SH3GL2: variants seen among roughly 807,000 people sequenced by gnomAD.
SH3GL2 encodes the protein endophilin-A1.
A neutral mutation model predicts 46.0 loss-of-function variants in SH3GL2; 24 were observed. The observed-to-expected ratio is 0.52, with a 90% CI of 0.38 to 0.73. The LOEUF (loss-of-function observed/expected upper bound fraction) is 0.73. Among genes scored for constraint, SH3GL2 ranks in the 30% least tolerant of loss-of-function variants. The pLI is 0.00. For missense variants in SH3GL2, 413 were observed against 424.2 expected (o/e 0.97, Z 0.23); for synonymous variants, 196 against 147.1 (o/e 1.33, Z -2.40).
chr9:17,744,633 G>A (rs1822628351), intron 1 of SH3GL2, among the ~76,000 whole-genome samples: 1 of 152,148 alleles, frequency 6.6e-6, no homozygotes, highest in East Asian at 1.9e-4. Context: ...CTCCCAAAAT[G>A]CTAGGATTAC....
At chr9:17,794,568 A>G (rs895246378) in intron 8 of SH3GL2, among the ~76,000 whole-genome samples, 42 of 152,192 alleles carry the variant, frequency 2.8e-4, no homozygotes, top group Admixed American at 2.6e-3. Context: ...CTGGAGACTC[A>G]GTAATTTGCT....
At chr9:17,625,397 T>A (rs1819259005) in intron 1 of SH3GL2, among the ~76,000 whole-genome samples, 1 of 152,230 alleles carries the variant, frequency 6.6e-6, no homozygotes, top group African/African-American at 2.4e-5. Context: ...GTCCACCTCC[T>A]TTCATTGCCT....
At chr9:17,665,769 T>G (rs1486378125) in intron 1 of SH3GL2, among the ~76,000 whole-genome samples, 1 of 151,570 alleles carries the variant, frequency 6.6e-6, no homozygotes, top group East Asian at 1.9e-4. Context: ...GTCTTGGTGC[T>G]AGATGTGCTT....
Position 17,789,515 on chromosome 9 carries a change from G to T in SH3GL2, c.589G>T (p.Ala197Ser). Residue 197 changes from alanine (A) to serine (S), a missense_variant, in exon 6 of 9, where the codon GCT (alanine) becomes TCT (serine). Around this residue, in one of 3 missense-constraint regions of SH3GL2, gnomAD observed 248 missense variants for 215.0 expected, o/e 1.15. Transcript: ENST00000380607. ...GAAATTTGATGAGTCTAAGGAAATTGCTGAGTCAAGCATGTTCAATCTCTT... is the reference window on the plus strand; with the variant it reads ...GAAATTTGATGAGTCTAAGGAAATTTCTGAGTCAAGCATGTTCAATCTCTT... ...LEKFDESKEI[A>S]ESSMFNLLEM... The T allele has an allele frequency of 6.2e-7, 1 of 1,613,364 alleles. No individual in the cohort carries two copies. Among genetic ancestry groups the T allele is most frequent in the Non-Finnish European group, 8.5e-7 (1 of 1,179,514 alleles).
At position 17,795,774 on chromosome 9, in the gene SH3GL2, G is replaced by C. The variant is rs775417655; in HGVS notation, c.*31G>C. 2 of 1,562,350 alleles carry C rather than the reference G, an allele frequency of 1.3e-6. No homozygotes were observed. Among genetic ancestry groups the C allele is most frequent in the Middle Eastern group, 1.7e-4 (1 of 5,718 alleles). ...TATGCTGGCTGGCTCGCCTCCTCTT[G>C]ACCCAGATAGTTACGGTTAACCACT... On this transcript the variant is annotated 3_prime_UTR_variant, in exon 9 of 9. Transcript: ENST00000380607.
intron 1 of SH3GL2, among the ~76,000 whole-genome samples, chr9:17,694,942 C>G (rs77364854): frequency 0.028 from 4,307 of 152,074 alleles, 187 homozygotes; most frequent in African/African-American, 0.099. Flanking sequence ...CCTTGCACAG[C>G]AGTCACAATG....
At chr9:17,735,115 T>G (rs1312516744) in intron 1 of SH3GL2, among the ~76,000 whole-genome samples, 4 of 152,078 alleles carry the variant, frequency 2.6e-5, no homozygotes, top group African/African-American at 9.7e-5. Context: ...GTCTCTTAAG[T>G]CTTTTCTTTC....
intron 1 of SH3GL2, among the ~76,000 whole-genome samples, chr9:17,725,340 A>G (rs1294576478): frequency 6.6e-6 from 1 of 152,090 alleles, no homozygotes; most frequent in Non-Finnish European, 1.5e-5. Context: ...TGTGATTCCA[A>G]GAGCACTCTT....
chr9:17,717,944 A>G (rs563328490), intron 1 of SH3GL2, among the ~76,000 whole-genome samples: 2 of 152,128 alleles, frequency 1.3e-5, no homozygotes, highest in East Asian at 3.9e-4. Context: ...AATAAGTTTT[A>G]GTGTGTGCCA....
At chr9:17,645,182 T>TTA (rs1819781790) in intron 1 of SH3GL2, among the ~76,000 whole-genome samples, 4 of 72,762 alleles carry the variant, frequency 5.5e-5, no homozygotes, top group South Asian at 5.7e-4. Flanking sequence ...TTTTTTTTTT[T>TTA]GCTTTCCATT....
At chr9:17,737,921 A>T (rs186366385) in intron 1 of SH3GL2, among the ~76,000 whole-genome samples, 5 of 152,170 alleles carry the variant, frequency 3.3e-5, no homozygotes, top group Non-Finnish European at 5.9e-5. Context: ...ATGTCTGTTC[A>T]TCTGGCTTAC....
intron 1 of SH3GL2, among the ~76,000 whole-genome samples, chr9:17,703,328 G>C (rs564221251): frequency 4.4e-4 from 67 of 152,128 alleles, no homozygotes; most frequent in South Asian, 1.7e-3. Flanking sequence ...TCAATAATGA[G>C]TGATGTTGAA....
intron 1 of SH3GL2, among the ~76,000 whole-genome samples, chr9:17,708,676 G>T (rs1452938575): frequency 6.6e-6 from 1 of 151,934 alleles, no homozygotes; most frequent in Non-Finnish European, 1.5e-5. Flanking sequence ...CTAAGATAAT[G>T]CCTCTTGTTG....
intron 1 of SH3GL2, among the ~76,000 whole-genome samples, chr9:17,620,410 GTTAC>G (rs1437710400): frequency 2.0e-5 from 3 of 152,190 alleles, no homozygotes; most frequent in Non-Finnish European, 4.4e-5. Flanking sequence ...GCTTACGCAT[GTTAC>G]TTAATTTATT....
intron 1 of SH3GL2, chr9:17,590,385 C>G (rs1297744823): frequency 6.6e-6 from 1 of 152,166 alleles, no homozygotes; most frequent in Admixed American, 6.5e-5. Context: ...TATTAATAGC[C>G]TGTTATCCAG....
At chr9:17,618,126 G>T (rs552040316) in intron 1 of SH3GL2, among the ~76,000 whole-genome samples, 1 of 152,216 alleles carries the variant, frequency 6.6e-6, no homozygotes, top group African/African-American at 2.4e-5. Flanking sequence ...CTCAACCGGG[G>T]ATGATTTTGC....
At chr9:17,784,561 G>T (rs945446743) in intron 3 of SH3GL2, among the ~76,000 whole-genome samples, 1 of 151,992 alleles carries the variant, frequency 6.6e-6, no homozygotes, top group African/African-American at 2.4e-5. Context: ...CATGATATCA[G>T]CCATGATAAT....
intron 1 of SH3GL2, chr9:17,589,348 A>C (rs530770680): frequency 6.6e-6 from 1 of 151,830 alleles, no homozygotes; most frequent in Non-Finnish European, 1.5e-5. Context: ...TTTTTAATAT[A>C]TTTTTTATTT....
chr9:17,702,815 T>A (rs556570110), intron 1 of SH3GL2, among the ~76,000 whole-genome samples: 1 of 152,104 alleles, frequency 6.6e-6, no homozygotes, highest in South Asian at 2.1e-4. Context: ...ATGGTTTTTT[T>A]AAAGAGATTA....
Sources: gnomAD v4.1 joint callset for allele counts (sites outside exome capture counted in the v4.1 genomes callset) on GRCh38, gnomAD v4.1.1 for gene constraint, gnomAD v4.1.1 regional missense constraint, MANE v1.5 for transcripts, NCBI Gene and HGNC (gene_info 2026-07-23, HGNC 2026-07-21) for gene names.